The following KSR2 variants were observed in gnomAD, a reference collection of about 807,000 sequenced individuals.
KSR2 encodes the protein kinase suppressor of ras 2.
Under a neutral mutation model 107.8 loss-of-function variants are expected in KSR2, and 25 were observed. That is an observed-to-expected ratio of 0.23 (90% confidence interval 0.17 to 0.32). The LOEUF (loss-of-function observed/expected upper bound fraction) is 0.32. Ranked by LOEUF, KSR2 falls within the 10% of genes least tolerant of loss-of-function variation. The pLI is 1.00. For missense variants in KSR2, 887 were observed against 1,268.9 expected (o/e 0.70, Z 4.57); for synonymous variants, 480 against 507.0 (o/e 0.95, Z 0.71).
chr12:117,856,959 A>G (rs1893124589), intron 2 of KSR2, among the ~76,000 whole-genome samples: 1 of 152,110 alleles, frequency 6.6e-6, no homozygotes, highest in South Asian at 2.1e-4. Context: ...GGGCAGAGAG[A>G]GAAGAATAGT....
At chr12:117,571,715 A>G (rs1474485342) in intron 7 of KSR2, among the ~76,000 whole-genome samples, 1 of 152,204 alleles carries the variant, frequency 6.6e-6, no homozygotes, top group Admixed American at 6.5e-5. Context: ...AGGCTCAAGC[A>G]TCTATGAAGT....
intron 1 of KSR2, among the ~76,000 whole-genome samples, chr12:117,862,841 T>C (rs1893354205): frequency 6.6e-6 from 1 of 150,716 alleles, no homozygotes; most frequent in Admixed American, 6.6e-5. Context: ...TCCATTCTCC[T>C]GCCTCACCCT....
chr12:117,653,073 T>C (rs1381821360), intron 5 of KSR2, among the ~76,000 whole-genome samples: 1 of 152,164 alleles, frequency 6.6e-6, no homozygotes, highest in Admixed American at 6.5e-5. Context: ...ATTGTGGAGA[T>C]TAGTGCCACC....
intron 4 of KSR2, among the ~76,000 whole-genome samples, chr12:117,673,169 G>A (rs950093955): frequency 3.3e-5 from 5 of 152,184 alleles, no homozygotes; most frequent in African/African-American, 1.2e-4. Context: ...ACAGATGGAG[G>A]GGAGAAGGGG....
chr12:117,663,450 C>T (rs1172322785), intron 5 of KSR2, among the ~76,000 whole-genome samples: 4 of 152,128 alleles, frequency 2.6e-5, no homozygotes, highest in Non-Finnish European at 5.9e-5. Flanking sequence ...CAATACATGC[C>T]GATTGCTATT....
At chr12:117,617,872 G>A (rs985829035) in intron 5 of KSR2, among the ~76,000 whole-genome samples, 17 of 152,132 alleles carry the variant, frequency 1.1e-4, no homozygotes, top group South Asian at 6.2e-4. Context: ...AAACCTAGAC[G>A]AGTTGAGGAG....
intron 1 of KSR2, among the ~76,000 whole-genome samples, chr12:117,908,489 G>A (rs759619478): frequency 5.3e-5 from 8 of 152,100 alleles, no homozygotes; most frequent in African/African-American, 1.4e-4. Flanking sequence ...TCTACTATCC[G>A]GAGAATGTCC....
At chr12:117,813,374 G>A (rs1891267646) in intron 3 of KSR2, among the ~76,000 whole-genome samples, 1 of 152,088 alleles carries the variant, frequency 6.6e-6, no homozygotes, top group Admixed American at 6.5e-5. Flanking sequence ...GAAAATATTT[G>A]CCAATTATCT....
intron 19 of KSR2, among the ~76,000 whole-genome samples, chr12:117,468,361 C>T (rs563951893): frequency 6.6e-6 from 1 of 152,182 alleles, no homozygotes; most frequent in Non-Finnish European, 1.5e-5. Context: ...AGTGATGTGC[C>T]CCAGGCCACA....
intron 4 of KSR2, among the ~76,000 whole-genome samples, chr12:117,711,774 A>G (rs1225261880): frequency 1.3e-5 from 2 of 152,216 alleles, no homozygotes; most frequent in Non-Finnish European, 2.9e-5. Context: ...AAGCTCTTGC[A>G]GAGATGCCCT....
At chr12:117,532,048 T>A (rs1193402617) in intron 10 of KSR2, among the ~76,000 whole-genome samples, 2 of 152,106 alleles carry the variant, frequency 1.3e-5, no homozygotes, top group Non-Finnish European at 2.9e-5. Context: ...AAAATATTAA[T>A]TTTTTCCCCT....
In KSR2 at chr12:117,724,749, G is replaced by C. The variant is rs2136700580; in HGVS notation, c.986+36262C>G. Among the ~76,000 whole-genome samples the C allele has an allele frequency of 1.3e-5, 2 of 152,102 alleles. 1 individual carries two copies. The highest frequency in any genetic ancestry group is 4.2e-4 in the South Asian group (2 of 4,816). ...ATCAACAGAGACAAGGCACATTTTTGATCCCTTGTAGCGAGGGTTGTTTGT... is the reference window on the plus strand; with the variant it reads ...ATCAACAGAGACAAGGCACATTTTTCATCCCTTGTAGCGAGGGTTGTTTGT... On this transcript the variant is annotated intron_variant, in intron 4 of 19. Transcript: ENST00000339824.
chr12:117,614,283 G>C (rs7959313), intron 5 of KSR2, among the ~76,000 whole-genome samples: 1 of 152,066 alleles, frequency 6.6e-6, no homozygotes, highest in Non-Finnish European at 1.5e-5. Context: ...GGCAGAATGT[G>C]ACCTTTTTAC....
At chr12:117,644,053 C>T (rs1883508358) in intron 5 of KSR2, among the ~76,000 whole-genome samples, 2 of 152,168 alleles carry the variant, frequency 1.3e-5, no homozygotes, top group South Asian at 4.1e-4. Flanking sequence ...TCCCAGGAAG[C>T]ACAGTTGTGT....
chr12:117,531,548 C>T (rs990442909), intron 11 of KSR2, 118 bp downstream of exon 11: 2 of 832,878 alleles, frequency 2.4e-6, no homozygotes, highest in Middle Eastern at 2.9e-4. Flanking sequence ...GTGGTGACTC[C>T]ACTACCCTCT....
chr12:117,898,640 A>T (rs990679578), intron 1 of KSR2, among the ~76,000 whole-genome samples: 14 of 151,710 alleles, frequency 9.2e-5, no homozygotes, highest in African/African-American at 3.4e-4. Flanking sequence ...TTAAAAAAAA[A>T]TTTTGTGGGT....
At chr12:117,950,927 T>C (rs1322805424) in intron 1 of KSR2, among the ~76,000 whole-genome samples, 2 of 151,952 alleles carry the variant, frequency 1.3e-5, no homozygotes, top group East Asian at 3.9e-4. Context: ...ATTTATTTAT[T>C]TTTTGAGATG....
At position 117,734,051 on chromosome 12, in the gene KSR2, C is replaced by T. The variant is rs187236669; in HGVS notation, c.986+26960G>A. 2.5e-3 allele frequency among the ~76,000 whole-genome samples: 379 copies of T among 152,258 alleles called. 1 individual carries two copies. Among genetic ancestry groups the T allele is most frequent in the African/African-American group, 8.5e-3 (355 of 41,548 alleles). ...TGCCCAGCACTTTGGGAGGCTGAGG[C>T]AGGCAGATCACTTGAGGTTAAGAGT... is the stretch of plus-strand genomic sequence containing the variant. On this transcript the variant is annotated intron_variant, in intron 4 of 19. Transcript: ENST00000339824.
In KSR2 at chr12:117,579,153, C is replaced by T. The variant is rs576752077; in HGVS notation, c.1291G>A (p.Gly431Arg). ...TTACACTTGAGGCCAAAAAGCATCCCTTTCCCACAGACTGTGCACGTCTGA... is the reference window on the plus strand; with the variant it reads ...TTACACTTGAGGCCAAAAAGCATCCTTTTCCCACAGACTGTGCACGTCTGA... The part of the protein sequence containing the change: ...MSQTCTVCGK[G>R]MLFGLKCKNC... Residue 431 changes from glycine to arginine, a missense_variant, in exon 7 of 20, where the codon GGG becomes AGG. By Grantham distance (125) the Gly-to-Arg change is moderately radical. Coordinates refer to ENST00000339824, the MANE Select transcript of KSR2 (RefSeq NM_173598.6). 1 of 1,613,766 alleles carries T rather than the reference C, an allele frequency of 6.2e-7. No homozygotes were observed. The highest frequency in any genetic ancestry group is 8.5e-7 in the Non-Finnish European group (1 of 1,179,828).
Sources: gnomAD v4.1 joint callset for allele counts (sites outside exome capture counted in the v4.1 genomes callset) on GRCh38, gnomAD v4.1.1 for gene constraint, MANE v1.5 for transcripts, NCBI Gene and HGNC (gene_info 2026-07-23, HGNC 2026-07-21) for gene names.